Variants in DTD1 observed in about 807,000 individuals in gnomAD.
DTD1 encodes D-aminoacyl-tRNA deacylase 1, also known as D-tyrosyl-tRNA deacylase 1 homolog.
A neutral mutation model predicts 25.6 loss-of-function variants in DTD1; 13 were observed. The observed-to-expected ratio is 0.51, with a 90% CI of 0.33 to 0.81. The LOEUF (loss-of-function observed/expected upper bound fraction) is 0.81. Ranked by LOEUF, DTD1 falls within the 30% of genes least tolerant of loss-of-function variation. The probability of loss-of-function intolerance (pLI) is 0.02; values close to 1 mark genes in which losing one functional copy is unlikely to be tolerated. For missense variants in DTD1, 193 were observed against 266.4 expected (o/e 0.72, Z 1.92); for synonymous variants, 110 against 103.6 (o/e 1.06, Z -0.37).
intron 4 of DTD1, among the ~76,000 whole-genome samples, chr20:18,658,188 GATGTGT>G (rs750948962): frequency 9.5e-5 from 10 of 105,088 alleles, no homozygotes; most frequent in African/African-American, 2.6e-4. Context: ...AAGAGTCTGA[GATGTGT>G]GTGTGTGTGT....
chr20:18,698,295 T>A (rs952698686), intron 4 of DTD1, among the ~76,000 whole-genome samples: 1 of 152,242 alleles, frequency 6.6e-6, no homozygotes, highest in Non-Finnish European at 1.5e-5. Context: ...AACCCCTATG[T>A]GTCCAGCATC....
intron 4 of DTD1, among the ~76,000 whole-genome samples, chr20:18,657,492 AC>A (rs2060895337): frequency 6.6e-6 from 1 of 152,232 alleles, no homozygotes; most frequent in Non-Finnish European, 1.5e-5. Flanking sequence ...AGCACCTCTA[AC>A]CTTAGCTAAT....
chr20:18,612,016 G>A (rs1600317383), intron 3 of DTD1, among the ~76,000 whole-genome samples: 1 of 147,410 alleles, frequency 6.8e-6, no homozygotes, highest in Admixed American at 7.0e-5. Context: ...GACCGTGCCC[G>A]GCTAATTAAT....
intron 4 of DTD1, among the ~76,000 whole-genome samples, chr20:18,717,410 A>G (rs909370404): frequency 1.6e-4 from 24 of 152,290 alleles, no homozygotes; most frequent in Non-Finnish European, 2.5e-4. Context: ...TCTGTGTATA[A>G]GTTTTTGGTA....
chr20:18,709,909 C>T lies in DTD1; in HGVS notation c.478-34191C>T, dbSNP rs548142582. ...TAATGCCTGGAAAACCATTAGAAAA[C>T]AGGCAATCTGGAAACTTTGGGCCTT... On this transcript the variant is annotated intron_variant, in intron 4 of 5. Coordinates refer to ENST00000377452, the MANE Select transcript of DTD1 (RefSeq NM_080820.6). 4.6e-5 allele frequency among the ~76,000 whole-genome samples: 7 copies of T among 151,992 alleles called. No homozygotes were observed. In the South Asian group the frequency reaches 1.0e-3, roughly 23 times the overall value.
intron 3 of DTD1, among the ~76,000 whole-genome samples, chr20:18,620,672 G>A (rs2060730301): frequency 6.6e-6 from 1 of 151,728 alleles, no homozygotes; most frequent in Non-Finnish European, 1.5e-5. Flanking sequence ...ATAGCTCACT[G>A]TAGCCTTGAG....
At position 18,632,036 on chromosome 20, in the gene DTD1, C is replaced by T. The variant is rs144076904; in HGVS notation, c.477+3803C>T. The T allele has an allele frequency of 2.8e-5, 24 of 849,164 alleles. No homozygotes were observed. The African/African-American group carries it at 4.0e-4, about 14-fold the overall frequency. The allele number at this position is 849,164 out of a possible 1,614,324, so 52.6% of individuals were successfully genotyped here. A position where few individuals can be genotyped will look rare whatever the true frequency, so the allele number is the denominator to read the frequency against. On this transcript the variant is annotated intron_variant, in intron 4 of 5. Coordinates refer to ENST00000377452, the MANE Select transcript of DTD1 (RefSeq NM_080820.6). ...GGAGTAGATTTAGGAATTCTCAGCA[C>T]ACACAGAATAAAGGACGGTAACTGT...
chr20:18,651,195 C>T (rs1371575003), intron 4 of DTD1, among the ~76,000 whole-genome samples: 2 of 152,164 alleles, frequency 1.3e-5, no homozygotes, highest in African/African-American at 2.4e-5. Context: ...TCTGTTATGC[C>T]GGCTAGAGTA....
intron 4 of DTD1, among the ~76,000 whole-genome samples, chr20:18,706,263 C>G (rs2061126282): frequency 6.6e-6 from 1 of 152,126 alleles, no homozygotes; most frequent in Admixed American, 6.5e-5. Flanking sequence ...TGCGCCACAC[C>G]CTGTGTTCAT....
At chr20:18,664,719 G>A (rs966057924) in intron 4 of DTD1, among the ~76,000 whole-genome samples, 2 of 152,190 alleles carry the variant, frequency 1.3e-5, no homozygotes, top group Non-Finnish European at 2.9e-5. Flanking sequence ...GAGATGACAT[G>A]GCCAGTTTGC....
chr20:18,743,448 C>T (rs903841286), intron 4 of DTD1, among the ~76,000 whole-genome samples: 2 of 151,886 alleles, frequency 1.3e-5, no homozygotes, highest in Non-Finnish European at 2.9e-5. Flanking sequence ...AATCACAACA[C>T]TTTGGGAGGC....
chr20:18,753,318 T>C (rs6075417), intron 5 of DTD1, among the ~76,000 whole-genome samples: 89,522 of 151,910 alleles, frequency 0.59, 26,878 homozygotes, highest in Non-Finnish European at 0.63. Context: ...TACTATAAGA[T>C]TGACATTGGC....
At chr20:18,716,811 A>G (rs6136490) in intron 4 of DTD1, among the ~76,000 whole-genome samples, 52,876 of 152,122 alleles carry the variant, frequency 0.35, 9,520 homozygotes, top group Non-Finnish European at 0.4. Flanking sequence ...ATCAATAGTC[A>G]ATTAACACAT....
rs2061378621 is a variant in DTD1 at position 18,766,306 on chromosome 20, T to A, written c.*2966T>A. The A allele has an allele frequency of 6.6e-6, 1 of 152,248 alleles. No homozygotes were observed. Among genetic ancestry groups the A allele is most frequent in the South Asian group, 2.1e-4 (1 of 4,830 alleles). 9.4% of individuals were successfully genotyped at this position (152,248 alleles called of 1,614,324 possible). On this transcript the variant is annotated 3_prime_UTR_variant, in exon 6 of 6. Transcript: ENST00000377452. ...TCTATCTCTGGTTTGTCAGATTTTC[T>A]GCCGTTTTTCAGCCAGGCACTTTAA...
rs143170779 is a variant in DTD1, at chr20:18,741,533, A to G, written c.478-2567A>G. On this transcript the variant is annotated intron_variant, in intron 4 of 5. Transcript: ENST00000377452. Reference sequence around the variant, plus strand: ...ATATTCATTCCACTAAGATCCCATTATCCTCTTTCCCCTCCATGTTAACTA... The same window carrying G: ...ATATTCATTCCACTAAGATCCCATTGTCCTCTTTCCCCTCCATGTTAACTA... Among the ~76,000 whole-genome samples, 821 of 152,166 alleles carry G rather than the reference A, an allele frequency of 5.4e-3. 10 individuals carry two copies. Among genetic ancestry groups the G allele is most frequent in the African/African-American group, 0.018 (752 of 41,516 alleles).
At chr20:18,629,129 T>C (rs2060772377) in intron 4 of DTD1, among the ~76,000 whole-genome samples, 2 of 151,222 alleles carry the variant, frequency 1.3e-5, no homozygotes, top group African/African-American at 4.9e-5. Context: ...CTCGAATAGC[T>C]GGGATTACAG....
At chr20:18,706,324 T>C (rs1166138342) in intron 4 of DTD1, among the ~76,000 whole-genome samples, 1 of 152,244 alleles carries the variant, frequency 6.6e-6, no homozygotes, top group East Asian at 1.9e-4. Flanking sequence ...GGATTGCTCT[T>C]CGTTGGCACC....
intron 4 of DTD1, among the ~76,000 whole-genome samples, chr20:18,665,214 T>C (rs1170497222): frequency 1.3e-5 from 2 of 152,094 alleles, no homozygotes; most frequent in Non-Finnish European, 2.9e-5. Flanking sequence ...GAAGGTGGGT[T>C]CAGTTGGGGC....
intron 4 of DTD1, among the ~76,000 whole-genome samples, chr20:18,663,888 G>T (rs143393617): frequency 1.3e-5 from 2 of 152,182 alleles, no homozygotes; most frequent in Non-Finnish European, 2.9e-5. Context: ...AGAACAGCGT[G>T]GGGGAAAGTG....
Sources: gnomAD v4.1 joint callset for allele counts (sites outside exome capture counted in the v4.1 genomes callset) on GRCh38, gnomAD v4.1.1 for gene constraint, MANE v1.5 for transcripts, NCBI Gene and HGNC (gene_info 2026-07-23, HGNC 2026-07-21) for gene names.